ZNF425: variants seen among roughly 807,000 people sequenced by gnomAD.
ZNF425 encodes zinc finger protein 425.
Under a neutral mutation model 17.0 loss-of-function variants are expected in ZNF425, and 21 were observed. The ratio of observed to expected loss-of-function variants is 1.23; its 90% CI spans 0.88 to 1.78. The LOEUF (loss-of-function observed/expected upper bound fraction) is 1.78, where lower values mean the gene tolerates loss of function less well. Among genes scored for constraint, ZNF425 ranks in the 40% most tolerant of loss-of-function variants. ZNF425 has a pLI of 0.00. For missense variants in ZNF425, 868 were observed against 967.3 expected (o/e 0.90, Z 1.36); for synonymous variants, 433 against 384.1 (o/e 1.13, Z -1.49).
rs553848514 is a variant in ZNF425 at position 149,122,846 on chromosome 7, C to T, written c.18+3350G>A. Among the ~76,000 whole-genome samples, 4 of 152,180 alleles carry T rather than the reference C, an allele frequency of 2.6e-5. No individual in the cohort carries two copies. The South Asian group carries it at 6.2e-4, about 24-fold the overall frequency. The stretch of plus-strand genomic sequence containing the variant: ...GAGTAGCTGGGATTACAGGCATGTG[C>T]GACCACGCCCAGCTAATTTTGTATT... On this transcript the variant is annotated intron_variant, in intron 1 of 3. Transcript: ENST00000378061.
Position 149,104,122 on chromosome 7 carries a change from C to A in ZNF425, c.1749G>T (p.Ala583=), listed in dbSNP as rs765698904. 11 of 1,612,188 alleles carry A rather than the reference C, an allele frequency of 6.8e-6. No individual in the cohort carries two copies. In the East Asian group the frequency reaches 1.1e-4, roughly 16 times the overall value. ...TGTAGGTCTTGTCACACTCACCGCACGCGAAGGGCTTCTCGTCCCTGTGCA... is the reference window on the plus strand; with the variant it reads ...TGTAGGTCTTGTCACACTCACCGCAAGCGAAGGGCTTCTCGTCCCTGTGCA... ...QRMHRDEKPF[A]CGECDKTYTH... is the part of the protein sequence containing the mutation. The change falls in exon 4 of 4, where the codon GCG becomes GCT. Residue 583 remains alanine, a synonymous_variant. Coordinates refer to ENST00000378061, the MANE Select transcript of ZNF425 (RefSeq NM_001001661.3). The surrounding 1 kb of genome is among the most constrained non-coding windows in gnomAD (Gnocchi z 4.3).
intron 3 of ZNF425, among the ~76,000 whole-genome samples, chr7:149,107,342 TTTATTTTTTTTC>T (rs1563145483): frequency 1.6e-5 from 2 of 122,974 alleles, no homozygotes; most frequent in African/African-American, 7.7e-5. Context: ...TATTTATTTA[TTTATTTTTTTTC>T]TGAGACAGAG....
At chr7:149,117,616 A>G (rs1418928307) in intron 2 of ZNF425, among the ~76,000 whole-genome samples, 1 of 131,708 alleles carries the variant, frequency 7.6e-6, no homozygotes, top group African/African-American at 2.9e-5. Flanking sequence ...TTAAAAAAAA[A>G]GGGGCAATTA....
In ZNF425 at chr7:149,113,551, A is replaced by ATTTT. The variant is rs774215848; in HGVS notation, c.146-1260_146-1257dup. On this transcript the variant is annotated intron_variant, in intron 2 of 3. Transcript: ENST00000378061. ...ACATAGGGAGACCCCATTCCTACAA[A>ATTTT]TTTTTTTTTTTTTTTTTTGAGACGG... 26 of 129,286 alleles carry ATTTT rather than the reference A, an allele frequency of 2.0e-4. 1 individual carries two copies. In the South Asian group the frequency reaches 3.4e-3, roughly 17 times the overall value. The allele number at this position is 129,286 out of a possible 1,614,324, so 8.0% of individuals were successfully genotyped here.
Position 149,104,374 on chromosome 7 carries a change from G to T in ZNF425, c.1497C>A (p.Pro499=), listed in dbSNP as rs754680464. The T allele has an allele frequency of 2.4e-5, 39 of 1,610,816 alleles. No homozygotes were observed. In the South Asian group the frequency reaches 3.6e-4, roughly 15 times the overall value. Reference sequence around the variant, plus strand: ...AAAAGGTCTTTTTGCACTCGCCGCAGGGAAACTCCTTCTGCCTGTCGTGGA... The same window carrying T: ...AAAAGGTCTTTTTGCACTCGCCGCATGGAAACTCCTTCTGCCTGTCGTGGA... ...TRVHDRQKEF[P]CGECKKTFSQ... is the part of the protein sequence containing the mutation. Residue 499 remains proline (P), a synonymous_variant, in exon 4 of 4, where the codon CCC becomes CCA. Coordinates refer to ENST00000378061, the MANE Select transcript of ZNF425 (RefSeq NM_001001661.3). The surrounding 1 kb of genome is among the most constrained non-coding windows in gnomAD (Gnocchi z 4.3).
In ZNF425 at chr7:149,104,418, G is replaced by C; in HGVS notation, c.1453C>G (p.Leu485Val). Residue 485 changes from leucine (L) to valine (V), a missense_variant, in exon 4 of 4, where the codon CTC becomes GTC. Physicochemically the swap from Leu to Val is conservative, Grantham distance 32 (BLOSUM62 1). Coordinates refer to ENST00000378061, the MANE Select transcript of ZNF425 (RefSeq NM_001001661.3). The surrounding 1 kb of genome is among the most constrained non-coding windows in gnomAD (Gnocchi z 4.3). ...CGKRFTRPSKLACHTRVHDRQ... is the reference protein window; with the variant it reads ...CGKRFTRPSKVACHTRVHDRQ... ...TCGTGGACTCTGGTGTGGCAGGCGA[G>C]CTTGGAAGGCCGCGTGAAGCGCTTG... The C allele has an allele frequency of 1.2e-6, 2 of 1,602,920 alleles. No individual in the cohort carries two copies. Among genetic ancestry groups the C allele is most frequent in the Non-Finnish European group, 1.7e-6 (2 of 1,174,952 alleles).
intron 1 of ZNF425, among the ~76,000 whole-genome samples, chr7:149,121,079 CTTTTTTTTTTTTTTTTT>C (rs75534831): frequency 1.6e-5 from 1 of 62,782 alleles, no homozygotes; most frequent in African/African-American, 8.7e-5. Context: ...TTTTACATTC[CTTTTTTTTTTTTTTTTT>C]TTTTTTTTTT....
rs567398290 is a variant in ZNF425, at chr7:149,126,226, C to T, written c.-13G>A. 1.2e-6 allele frequency: 2 copies of T among 1,610,640 alleles called. No homozygotes were observed. Among genetic ancestry groups the T allele is most frequent in the South Asian group, 1.1e-5 (1 of 90,678 alleles). ...CCGGCTCGGCCATGGCGGTTCCGCA[C>T]GAACCGGCCCTGCCTGGCACGGCCT... On this transcript the variant is annotated 5_prime_UTR_variant, in exon 1 of 4. It adds an upstream start codon to the 5' untranslated region. Transcript: ENST00000378061.
chr7:149,111,568 G>C (rs1826176463), intron 3 of ZNF425, among the ~76,000 whole-genome samples: 1 of 119,180 alleles, frequency 8.4e-6, no homozygotes, highest in South Asian at 3.0e-4. Context: ...CTCCACCCTG[G>C]GTGACAGAGC....
At position 149,119,958 on chromosome 7, in the gene ZNF425, T is replaced by C. The variant is rs928260561; in HGVS notation, c.19-1610A>G. On this transcript the variant is annotated intron_variant, in intron 1 of 3. Transcript: ENST00000378061. The stretch of plus-strand genomic sequence containing the variant: ...TTTATATAAGGGACTTGAGCATCCA[T>C]GGATTTTGGTATCTGTGAGGGGTCC... 4.0e-4 allele frequency among the ~76,000 whole-genome samples: 61 copies of C among 152,156 alleles called. 1 individual carries two copies. Among genetic ancestry groups the C allele is most frequent in the Admixed American group, 2.0e-4 (3 of 15,254 alleles).
Position 149,103,547 on chromosome 7 carries a change from A to G in ZNF425, c.*65T>C. ...CCTGTGAATCCTTCAACCTGCCTCAACTTGAGCCAACAGAGCTGCTGGCAC... is the reference window on the plus strand; with the variant it reads ...CCTGTGAATCCTTCAACCTGCCTCAGCTTGAGCCAACAGAGCTGCTGGCAC... On this transcript the variant is annotated 3_prime_UTR_variant, in exon 4 of 4. Coordinates refer to ENST00000378061, the MANE Select transcript of ZNF425 (RefSeq NM_001001661.3). The G allele has an allele frequency of 2.0e-6, 3 of 1,518,588 alleles. No individual in the cohort carries two copies. The highest frequency in any genetic ancestry group is 1.4e-5 in the African/African-American group (1 of 71,962). 94.1% of individuals were successfully genotyped at this position (1,518,588 alleles called of 1,614,324 possible).
Position 149,105,356 on chromosome 7 carries a change from T to C in ZNF425, c.515A>G (p.His172Arg). The C allele has an allele frequency of 6.2e-7, 1 of 1,613,702 alleles. No homozygotes were observed. Among genetic ancestry groups the C allele is most frequent in the South Asian group, 1.1e-5 (1 of 91,030 alleles). ...AYDPDKKDLR[H>R]KPRETPGRLE... ...GCGCCCTGGGGTCTCCCGAGGCTTA[T>C]GCCGCAGGTCTTTCTTGTCTGGATC... Residue 172 changes from histidine to arginine, a missense_variant, in exon 4 of 4, where the codon CAT becomes CGT. Physicochemically the swap from His to Arg is conservative, Grantham distance 29. Coordinates refer to ENST00000378061, the MANE Select transcript of ZNF425 (RefSeq NM_001001661.3).
Position 149,105,526 on chromosome 7 carries a change from A to C in ZNF425, c.345T>G (p.Arg115=). The C allele has an allele frequency of 6.6e-7, 1 of 1,514,552 alleles. No homozygotes were observed. Among genetic ancestry groups the C allele is most frequent in the Non-Finnish European group, 8.8e-7 (1 of 1,135,018 alleles). 93.8% of individuals were successfully genotyped at this position (1,514,552 alleles called of 1,614,324 possible). ...GTPRTKEEDC[R]LNGPQKQDLC... The stretch of plus-strand genomic sequence containing the variant: ...AGTCCTGTTTTTGAGGACCATTTAA[A>C]CGGCAATCCTCTTCTTTTGTCCTGG... Residue 115 remains arginine, a synonymous_variant, in exon 4 of 4, where the codon CGT becomes CGG. Transcript: ENST00000378061.
chr7:149,104,311 G>T lies in ZNF425; in HGVS notation c.1560C>A (p.His520Gln), dbSNP rs149328767. 7 of 1,613,434 alleles carry T rather than the reference G, an allele frequency of 4.3e-6. No individual in the cohort carries two copies. Among genetic ancestry groups the T allele is most frequent in the Non-Finnish European group, 5.9e-6 (7 of 1,180,052 alleles). ...QSRLTQHLKV[H>Q]TTEKPFSCAE... ...CGCAGGAGAACGGCTTTTCCGTGGT[G>T]TGGACCTTCAGGTGCTGCGTGAGCC... The change falls in exon 4 of 4, where the codon CAC (histidine) becomes CAA (glutamine). Residue 520 changes from histidine to glutamine, a missense_variant. By Grantham distance (24) the His-to-Gln change is conservative. Coordinates refer to ENST00000378061, the MANE Select transcript of ZNF425 (RefSeq NM_001001661.3). This position sits in a 1 kb window ranked among gnomAD's most constrained non-coding sequence, Gnocchi z 4.3.
At position 149,104,905 on chromosome 7, in the gene ZNF425, C is replaced by T. The variant is rs538285907; in HGVS notation, c.966G>A (p.Arg322=). ...VQQCELTEHL[R]LHSGEKPFQC... ...GGAAGGGCTTCTCTCCGCTGTGCAG[C>T]CGCAAGTGCTCCGTGAGCTCGCACT... The change falls in exon 4 of 4, where the codon CGG becomes CGA. Residue 322 remains arginine, a synonymous_variant. Coordinates refer to ENST00000378061, the MANE Select transcript of ZNF425 (RefSeq NM_001001661.3). This position sits in a 1 kb window ranked among gnomAD's most constrained non-coding sequence, Gnocchi z 4.3. 6.2e-7 allele frequency: 1 copy of T among 1,613,580 alleles called. No homozygotes were observed.
chr7:149,118,557 A>T, intron 1 of ZNF425: 1 of 570,210 alleles, frequency 1.8e-6, no homozygotes, highest in South Asian at 2.0e-5. Context: ...TCACGCCTGT[A>T]ATCCCAGCAC....
At chr7:149,114,505 C>A (rs943784390) in intron 2 of ZNF425, among the ~76,000 whole-genome samples, 6 of 151,470 alleles carry the variant, frequency 4.0e-5, no homozygotes, top group African/African-American at 1.2e-4. Flanking sequence ...TCAAGCAATT[C>A]TCCTGCCTCA....
At position 149,115,429 on chromosome 7, in the gene ZNF425, G is replaced by A. The variant is rs1036891516; in HGVS notation, c.145+2793C>T. ...AGTACTTTGGGAGGCTGAGGCGGGC[G>A]GATCACCTGAGGTCAGGAGTTCGAG... On this transcript the variant is annotated intron_variant, in intron 2 of 3. Coordinates refer to ENST00000378061, the MANE Select transcript of ZNF425 (RefSeq NM_001001661.3). Among the ~76,000 whole-genome samples, 19 of 151,434 alleles carry A rather than the reference G, an allele frequency of 1.3e-4. No individual in the cohort carries two copies. In the South Asian group the frequency reaches 1.7e-3, roughly 13 times the overall value.
chr7:149,123,435 G>A (rs1323026908), intron 1 of ZNF425, among the ~76,000 whole-genome samples: 2 of 152,186 alleles, frequency 1.3e-5, no homozygotes, highest in African/African-American at 4.8e-5. Context: ...GGCTTTTGGA[G>A]ATAAAAGTTT....
Sources: gnomAD v4.1 joint callset for allele counts (sites outside exome capture counted in the v4.1 genomes callset) on GRCh38, gnomAD v4.1.1 for gene constraint, Gnocchi (gnomAD v3.1) non-coding constraint, MANE v1.5 for transcripts, NCBI Gene and HGNC (gene_info 2026-07-23, HGNC 2026-07-21) for gene names.